Variants in SMYD3 observed in about 807,000 individuals in gnomAD.
SMYD3 encodes histone-lysine N-methyltransferase SMYD3.
Under a neutral mutation model 57.7 loss-of-function variants are expected in SMYD3, and 36 were observed. The observed-to-expected ratio is 0.62, with a 90% CI of 0.48 to 0.82. The LOEUF (loss-of-function observed/expected upper bound fraction) is 0.82. Ranked by LOEUF, SMYD3 falls within the 40% of genes least tolerant of loss-of-function variation. SMYD3 has a pLI of 0.00. For synonymous variants in SMYD3, 211 were observed against 195.0 expected (o/e 1.08, Z -0.68); for missense variants, 515 against 538.8 (o/e 0.96, Z 0.44).
chr1:246,329,789 AT>A (rs2065428780), intron 4 of SMYD3, among the ~76,000 whole-genome samples: 1 of 152,196 alleles, frequency 6.6e-6, no homozygotes, highest in Non-Finnish European at 1.5e-5. Context: ...ACAACCTTAT[AT>A]AAATCTGTAC....
chr1:246,448,702 TTTAAAAAAAAA>T (rs1202885024), intron 1 of SMYD3, among the ~76,000 whole-genome samples: 5 of 92,896 alleles, frequency 5.4e-5, no homozygotes, highest in Admixed American at 3.1e-4. Flanking sequence ...ATCTCTTTTT[TTTAAAAAAAAA>T]AAAAAAAAAA....
chr1:246,059,733 T>C (rs2148349614), intron 5 of SMYD3, among the ~76,000 whole-genome samples: 1 of 152,324 alleles, frequency 6.6e-6, no homozygotes, highest in East Asian at 1.9e-4. Flanking sequence ...TAATAAGATT[T>C]CATTTTCTGA....
chr1:245,993,631 T>TAGACAGACAGAC (rs60153898), intron 5 of SMYD3, among the ~76,000 whole-genome samples: 21 of 120,104 alleles, frequency 1.7e-4, no homozygotes, highest in African/African-American at 7.0e-4. Context: ...GATAGATAGA[T>TAGACAGACAGAC]AGACAGACAG....
intron 5 of SMYD3, among the ~76,000 whole-genome samples, chr1:246,130,260 C>G (rs779193086): frequency 6.6e-6 from 1 of 152,120 alleles, no homozygotes; most frequent in Non-Finnish European, 1.5e-5. Flanking sequence ...TCACTAAGAT[C>G]ATTTAGGGTT....
At chr1:246,002,944 T>C (rs2059104443) in intron 5 of SMYD3, among the ~76,000 whole-genome samples, 2 of 152,152 alleles carry the variant, frequency 1.3e-5, no homozygotes, top group South Asian at 4.1e-4. Context: ...CCCAACCCAT[T>C]CTTCGGCCTC....
intron 10 of SMYD3, among the ~76,000 whole-genome samples, chr1:245,853,673 G>C (rs886411385): frequency 6.6e-6 from 1 of 152,034 alleles, no homozygotes; most frequent in Non-Finnish European, 1.5e-5. Flanking sequence ...ACTGTTATGA[G>C]GAAATCTCAT....
intron 5 of SMYD3, among the ~76,000 whole-genome samples, chr1:246,095,576 G>C (rs1573014388): frequency 6.6e-6 from 1 of 152,318 alleles, no homozygotes; most frequent in Non-Finnish European, 1.5e-5. Context: ...GAGTTAACCA[G>C]TAAAAGACAC....
chr1:246,154,568 T>C (rs2061992764), intron 5 of SMYD3, among the ~76,000 whole-genome samples: 1 of 152,128 alleles, frequency 6.6e-6, no homozygotes, highest in African/African-American at 2.4e-5. Flanking sequence ...GAATAGTAAT[T>C]AACATTTAGT....
At chr1:246,340,491 G>A (rs1258942598) in intron 2 of SMYD3, among the ~76,000 whole-genome samples, 1 of 151,986 alleles carries the variant, frequency 6.6e-6, no homozygotes, top group African/African-American at 2.4e-5. Context: ...CCACACCAGT[G>A]CTCAAAGACA....
chr1:245,959,751 G>GT (rs910050885), intron 5 of SMYD3, among the ~76,000 whole-genome samples: 5 of 152,038 alleles, frequency 3.3e-5, no homozygotes, highest in African/African-American at 4.8e-5. Context: ...TAAAATCTCT[G>GT]TTTTTTTAGT....
intron 5 of SMYD3, among the ~76,000 whole-genome samples, chr1:245,965,476 T>C (rs1258725058): frequency 6.6e-6 from 1 of 152,146 alleles, no homozygotes; most frequent in Non-Finnish European, 1.5e-5. Context: ...TTTCCAAAAC[T>C]TGGAAGCAAC....
intron 2 of SMYD3, among the ~76,000 whole-genome samples, chr1:246,346,282 C>A (rs1178015170): frequency 6.6e-6 from 1 of 151,238 alleles, no homozygotes. Context: ...GACTCTGTCT[C>A]AAAAAAAACA....
intron 5 of SMYD3, among the ~76,000 whole-genome samples, chr1:246,002,232 T>C (rs964489066): frequency 5.4e-5 from 8 of 148,894 alleles, no homozygotes; most frequent in African/African-American, 1.5e-4. Context: ...TCACCCAGGC[T>C]GGAGTGCTGT....
At chr1:246,068,343 CTGT>C (rs1162770148) in intron 5 of SMYD3, among the ~76,000 whole-genome samples, 1 of 151,324 alleles carries the variant, frequency 6.6e-6, no homozygotes, top group African/African-American at 2.4e-5. Flanking sequence ...ACTGCCACCT[CTGT>C]TAAAAGGGTA....
At chr1:246,461,637 G>C (rs560271284) in intron 1 of SMYD3, among the ~76,000 whole-genome samples, 1 of 151,408 alleles carries the variant, frequency 6.6e-6, no homozygotes, top group South Asian at 2.1e-4. Context: ...AGGGGGCTGA[G>C]GCAGGAGAAT....
intron 10 of SMYD3, among the ~76,000 whole-genome samples, chr1:245,824,528 C>A (rs1012306263): frequency 6.6e-6 from 1 of 151,738 alleles, no homozygotes; most frequent in African/African-American, 2.4e-5. Context: ...ACCAGCCTGG[C>A]CAACATGGTG....
intron 1 of SMYD3, among the ~76,000 whole-genome samples, chr1:246,383,495 A>G (rs2066423068): frequency 6.6e-6 from 1 of 152,248 alleles, no homozygotes; most frequent in Non-Finnish European, 1.5e-5. Flanking sequence ...GCACTGGTCT[A>G]ATATACAACA....
chr1:246,425,637 A>G (rs1192477216), intron 1 of SMYD3, among the ~76,000 whole-genome samples: 1 of 152,188 alleles, frequency 6.6e-6, no homozygotes, highest in Admixed American at 6.5e-5. Context: ...TAGCTTCACA[A>G]AAGTACCCAA....
chr1:245,912,682 A>C (rs2055085911), intron 8 of SMYD3, among the ~76,000 whole-genome samples: 1 of 152,208 alleles, frequency 6.6e-6, no homozygotes, highest in Non-Finnish European at 1.5e-5. Context: ...AACAGAACAG[A>C]AAACGCACAA....
Sources: gnomAD v4.1 joint callset for allele counts (sites outside exome capture counted in the v4.1 genomes callset) on GRCh38, gnomAD v4.1.1 for gene constraint, MANE v1.5 for transcripts, NCBI Gene and HGNC (gene_info 2026-07-23, HGNC 2026-07-21) for gene names.